RANBP2: variants seen among roughly 807,000 people sequenced by gnomAD.
RANBP2 encodes the protein RAN binding protein 2.
A neutral mutation model predicts 303.6 loss-of-function variants in RANBP2; 57 were observed. The observed-to-expected ratio is 0.19, with a 90% CI of 0.15 to 0.23. The LOEUF (loss-of-function observed/expected upper bound fraction) is 0.23. RANBP2 is among the 10% of genes least tolerant of loss of function. The probability of loss-of-function intolerance (pLI) is 1.00; values close to 1 mark genes in which losing one functional copy is unlikely to be tolerated. For missense variants in RANBP2, 3,138 were observed against 3,780.8 expected, an observed-to-expected ratio of 0.83 and a Z score of 4.46; for synonymous variants, 1,167 against 1,301.5, an observed-to-expected ratio of 0.90 and a Z score of 2.23.
At chr2:109,399,643 G>A in the RANBP2 span, among the ~76,000 whole-genome samples, 2 of 152,118 alleles carry the variant, frequency 1.3e-5, no homozygotes, top group African/African-American at 4.8e-5. Flanking sequence ...AAAATAAAAT[G>A]ATTAAAAAAA....
At position 108,719,646 on chromosome 2, in the gene RANBP2, T is replaced by A. The variant is rs768795484; in HGVS notation, c.40T>A (p.Ser14Thr). 5 of 1,607,948 alleles carry A rather than the reference T, an allele frequency of 3.1e-6. No homozygotes were observed. The African/African-American group carries it at 6.7e-5, about 21-fold the overall frequency. The change falls in exon 1 of 29, where the codon TCG becomes ACG. Residue 14 changes from serine (S) to threonine (T), a missense_variant. By Grantham distance (58) the Ser-to-Thr change is moderately conservative. This residue lies in a region of RANBP2 where 306 missense variants were observed against 381.9 expected (regional missense o/e 0.80). Coordinates refer to ENST00000283195, the MANE Select transcript of RANBP2 (RefSeq NM_006267.5). Reference sequence around the variant, plus strand: ...GGCTGACGTGGAGCGGTACATCGCCTCGGTGCAGGGCTCCACCCCGTCGCC... The same window carrying A: ...GGCTGACGTGGAGCGGTACATCGCCACGGTGCAGGGCTCCACCCCGTCGCC... ...SKADVERYIASVQGSTPSPRQ... is the reference protein window; with the variant it reads ...SKADVERYIATVQGSTPSPRQ...
the RANBP2 span, among the ~76,000 whole-genome samples, chr2:109,162,571 G>T: frequency 1.1e-4 from 17 of 152,200 alleles, no homozygotes; most frequent in East Asian, 1.7e-3. Flanking sequence ...ATTTTTTATG[G>T]CTGCATAGTA....
At chr2:109,244,855 A>G in the RANBP2 span, among the ~76,000 whole-genome samples, 1 of 152,108 alleles carries the variant, frequency 6.6e-6, no homozygotes, top group Non-Finnish European at 1.5e-5. Flanking sequence ...CACCTTTCCC[A>G]CTGCAGCCTG....
the RANBP2 span, among the ~76,000 whole-genome samples, chr2:109,285,340 A>G: frequency 6.6e-6 from 1 of 152,200 alleles, no homozygotes; most frequent in African/African-American, 2.4e-5. Flanking sequence ...GGTGGGGTTA[A>G]GCCAGCTTGT....
the RANBP2 span, among the ~76,000 whole-genome samples, chr2:109,318,559 G>A: frequency 6.6e-6 from 1 of 152,238 alleles, no homozygotes; most frequent in Admixed American, 6.5e-5. Context: ...CCTTGCGGGT[G>A]TGTTGGTTCA....
the RANBP2 span, among the ~76,000 whole-genome samples, chr2:109,632,542 A>C: frequency 6.6e-6 from 1 of 152,242 alleles, no homozygotes; most frequent in Admixed American, 6.5e-5. Context: ...AGCCGGGCGC[A>C]GTGGCTCACG....
At position 108,774,611 on chromosome 2, in the gene RANBP2, G is replaced by A. The variant is rs540037874; in HGVS notation, c.8293-1121G>A. ...GAGCAGTTTTTACCAATGAAACCAC[G>A]TCTGGAGTTTTCTTAAGTTTTAAAA... On this transcript the variant is annotated intron_variant, in intron 23 of 28. Transcript: ENST00000283195. Among the ~76,000 whole-genome samples the A allele has an allele frequency of 2.0e-5, 3 of 152,038 alleles. No individual in the cohort carries two copies. In the East Asian group the frequency reaches 5.8e-4, roughly 29 times the overall value.
chr2:109,489,602 G>A, the RANBP2 span, among the ~76,000 whole-genome samples: 3 of 152,246 alleles, frequency 2.0e-5, no homozygotes, highest in African/African-American at 7.2e-5. Flanking sequence ...CTGTGTTGTC[G>A]GGGATGGCCC....
chr2:109,432,986 G>T, the RANBP2 span, among the ~76,000 whole-genome samples: 1 of 152,262 alleles, frequency 6.6e-6, no homozygotes, highest in Non-Finnish European at 1.5e-5. Context: ...TGAGGACAGT[G>T]TGTGCACATA....
chr2:109,315,000 G>C, the RANBP2 span, among the ~76,000 whole-genome samples: 104 of 152,272 alleles, frequency 6.8e-4, 1 homozygote, highest in African/African-American at 2.3e-3. Flanking sequence ...GAGCTGCACT[G>C]TCCCATAAGG....
chr2:108,732,885 G>C (rs182412493), intron 4 of RANBP2, among the ~76,000 whole-genome samples: 2 of 152,104 alleles, frequency 1.3e-5, no homozygotes, highest in African/African-American at 4.8e-5. Flanking sequence ...GTTCACTGGC[G>C]CAATCTTGGC....
At chr2:109,570,299 T>C in the RANBP2 span, among the ~76,000 whole-genome samples, 3 of 152,142 alleles carry the variant, frequency 2.0e-5, no homozygotes, top group East Asian at 3.9e-4. Context: ...TATTTCATTT[T>C]GGTTTGAATG....
At chr2:109,351,669 G>T in the RANBP2 span, among the ~76,000 whole-genome samples, 976 of 152,358 alleles carry the variant, frequency 6.4e-3, 11 homozygotes, top group East Asian at 0.05. Context: ...TTCTCAGAGA[G>T]TGCCCGCTGA....
chr2:109,261,209 C>A, the RANBP2 span, among the ~76,000 whole-genome samples: 1 of 152,064 alleles, frequency 6.6e-6, no homozygotes. Flanking sequence ...TTTGTAGTTG[C>A]ATAGGTGTAA....
At chr2:109,125,024 G>C in the RANBP2 span, among the ~76,000 whole-genome samples, 48 of 152,338 alleles carry the variant, frequency 3.2e-4, no homozygotes, top group Non-Finnish European at 5.6e-4. Flanking sequence ...AAATGAAATT[G>C]GAAAACCCAT....
At chr2:108,919,023 C>A in the RANBP2 span, among the ~76,000 whole-genome samples, 1 of 152,102 alleles carries the variant, frequency 6.6e-6, no homozygotes, top group Non-Finnish European at 1.5e-5. Flanking sequence ...GAGTCTCGGG[C>A]CCACTGGGAC....
chr2:109,573,144 G>A, the RANBP2 span, among the ~76,000 whole-genome samples: 1 of 151,934 alleles, frequency 6.6e-6, no homozygotes, highest in East Asian at 1.9e-4. Flanking sequence ...TTTCATATCT[G>A]CCTCTTGAGG....
At chr2:108,887,743 C>T in the RANBP2 span, among the ~76,000 whole-genome samples, 2 of 152,080 alleles carry the variant, frequency 1.3e-5, no homozygotes. Flanking sequence ...CAACTTTACT[C>T]AATTTATTTA....
the RANBP2 span, among the ~76,000 whole-genome samples, chr2:109,177,744 C>T: frequency 6.6e-6 from 1 of 152,118 alleles, no homozygotes; most frequent in African/African-American, 2.4e-5. Context: ...TGCTAAGAAC[C>T]CCCTTCAACT....
Sources: gnomAD v4.1 joint callset for allele counts (sites outside exome capture counted in the v4.1 genomes callset) on GRCh38, gnomAD v4.1.1 for gene constraint, gnomAD v4.1.1 regional missense constraint, MANE v1.5 for transcripts, NCBI Gene and HGNC (gene_info 2026-07-23, HGNC 2026-07-21) for gene names.